The following TMEM132D variants were observed in gnomAD, a reference collection of about 807,000 sequenced individuals.
The protein encoded by TMEM132D is mature OL transmembrane protein.
In TMEM132D, 21 loss-of-function variants were observed where a neutral mutation model predicts 62.3. The ratio of observed to expected loss-of-function variants is 0.34; its 90% CI spans 0.24 to 0.49. The LOEUF is 0.49. TMEM132D is among the 20% of genes least tolerant of loss of function. The probability of loss-of-function intolerance (pLI) is 0.99; values close to 1 mark genes in which losing one functional copy is unlikely to be tolerated. For synonymous variants in TMEM132D, 621 were observed against 575.6 expected (o/e 1.08, Z -1.13); for missense variants, 1,346 against 1,402.8 (o/e 0.96, Z 0.65).
chr12:129,480,773 T>C (rs1268551798), intron 3 of TMEM132D, among the ~76,000 whole-genome samples: 1 of 152,148 alleles, frequency 6.6e-6, no homozygotes, highest in Non-Finnish European at 1.5e-5. Context: ...TGCGTTGCTG[T>C]TGTAACTGGA....
chr12:129,868,153 A>G (rs970662914), intron 1 of TMEM132D, among the ~76,000 whole-genome samples: 1 of 152,080 alleles, frequency 6.6e-6, no homozygotes, highest in Non-Finnish European at 1.5e-5. Context: ...TGGTACATAC[A>G]TGAGGCAGTG....
intron 5 of TMEM132D, among the ~76,000 whole-genome samples, chr12:129,132,614 G>A (rs907112633): frequency 2.0e-5 from 3 of 152,076 alleles, no homozygotes; most frequent in Non-Finnish European, 4.4e-5. Context: ...ACTCACCCTG[G>A]CAACTGGCCT....
intron 5 of TMEM132D, among the ~76,000 whole-genome samples, chr12:129,201,542 C>T (rs1565995629): frequency 6.6e-6 from 1 of 152,208 alleles, no homozygotes; most frequent in Non-Finnish European, 1.5e-5. Context: ...ATGTTTGGAT[C>T]CCTGGGCTGC....
intron 4 of TMEM132D, among the ~76,000 whole-genome samples, chr12:129,258,875 C>CGAT (rs1366000313): frequency 1.3e-5 from 2 of 151,988 alleles, no homozygotes; most frequent in East Asian, 3.9e-4. Flanking sequence ...AAAAGGTGGG[C>CGAT]GATGTGTGCC....
intron 5 of TMEM132D, among the ~76,000 whole-genome samples, chr12:129,143,475 A>G (rs930122805): frequency 9.9e-5 from 15 of 152,270 alleles, no homozygotes; most frequent in Admixed American, 7.8e-4. Flanking sequence ...CTCCCAGCAT[A>G]TGCGGCAGGA....
intron 4 of TMEM132D, among the ~76,000 whole-genome samples, chr12:129,215,949 A>G (rs1358742833): frequency 6.6e-6 from 1 of 152,156 alleles, no homozygotes; most frequent in African/African-American, 2.4e-5. Flanking sequence ...TGTGGGGGAA[A>G]CCGCCCGAAT....
chr12:129,596,832 G>A (rs1409922649), intron 2 of TMEM132D, among the ~76,000 whole-genome samples: 2 of 151,192 alleles, frequency 1.3e-5, no homozygotes, highest in East Asian at 2.0e-4. Flanking sequence ...CGCCAATAAA[G>A]CCCTTCTAAA....
intron 2 of TMEM132D, among the ~76,000 whole-genome samples, chr12:129,658,442 T>C (rs1237698765): frequency 6.6e-6 from 1 of 152,222 alleles, no homozygotes; most frequent in Non-Finnish European, 1.5e-5. Context: ...TGCATCTTTG[T>C]GTGCTATAAA....
intron 5 of TMEM132D, among the ~76,000 whole-genome samples, chr12:129,119,383 C>A (rs1241816472): frequency 6.6e-6 from 1 of 152,132 alleles, no homozygotes; most frequent in African/African-American, 2.4e-5. Flanking sequence ...TGGGTGTCCA[C>A]CAGTGAATAA....
intron 2 of TMEM132D, among the ~76,000 whole-genome samples, chr12:129,565,151 G>A (rs1451579581): frequency 6.6e-6 from 1 of 152,196 alleles, no homozygotes; most frequent in Admixed American, 6.5e-5. Context: ...TGGGGTGGCA[G>A]CAAGGAGCAA....
chr12:129,564,025 CATTGAAAATATTTCAGGTATAACTA>C (rs1318588772), intron 2 of TMEM132D, among the ~76,000 whole-genome samples: 1 of 152,138 alleles, frequency 6.6e-6, no homozygotes, highest in Non-Finnish European at 1.5e-5. Flanking sequence ...TACTTTTAAA[CATTGAAAATATTTCAGGTATAACTA>C]AGACGTTTCA....
At chr12:129,147,963 G>C (rs1364685870) in intron 5 of TMEM132D, among the ~76,000 whole-genome samples, 1 of 152,098 alleles carries the variant, frequency 6.6e-6, no homozygotes, top group Non-Finnish European at 1.5e-5. Context: ...TACTTTCTCC[G>C]TGTTGGCCAT....
chr12:129,598,220 T>A (rs781477969), intron 2 of TMEM132D, among the ~76,000 whole-genome samples: 5 of 152,248 alleles, frequency 3.3e-5, no homozygotes, highest in Non-Finnish European at 5.9e-5. Flanking sequence ...AAAGGCATCC[T>A]ATAAAATGCT....
At chr12:129,561,537 C>T (rs770173166) in intron 2 of TMEM132D, among the ~76,000 whole-genome samples, 80 of 152,178 alleles carry the variant, frequency 5.3e-4, no homozygotes, top group Admixed American at 4.6e-4. Context: ...CGAGATAGTG[C>T]TGGAGTTAGA....
intron 2 of TMEM132D, 79 bp from the exon 3 acceptor site, chr12:129,531,284 C>A (rs1876218079): frequency 3.4e-6 from 5 of 1,473,802 alleles, no homozygotes; most frequent in Non-Finnish European, 4.5e-6. Flanking sequence ...ACACGGGGAG[C>A]TTAATTGCTC....
At chr12:129,523,246 T>C (rs1875910053) in intron 3 of TMEM132D, among the ~76,000 whole-genome samples, 1 of 152,196 alleles carries the variant, frequency 6.6e-6, no homozygotes, top group Non-Finnish European at 1.5e-5. Context: ...ACTGCAGGTG[T>C]TTTTGGTAGT....
chr12:129,321,972 T>G (rs1301664282), intron 4 of TMEM132D, among the ~76,000 whole-genome samples: 1 of 152,178 alleles, frequency 6.6e-6, no homozygotes, highest in Non-Finnish European at 1.5e-5. Context: ...ATATTCTTAC[T>G]AGTATAGTTC....
chr12:129,600,672 G>A (rs1878461081), intron 2 of TMEM132D, among the ~76,000 whole-genome samples: 1 of 152,198 alleles, frequency 6.6e-6, no homozygotes, highest in Admixed American at 6.5e-5. Flanking sequence ...CTTCTTGTGT[G>A]TCTCCATCAG....
chr12:129,397,550 T>G (rs1871467148), intron 3 of TMEM132D, among the ~76,000 whole-genome samples: 1 of 152,130 alleles, frequency 6.6e-6, no homozygotes. Flanking sequence ...TAAGCCCATC[T>G]TTGGATGGAA....
Sources: gnomAD v4.1 joint callset for allele counts (sites outside exome capture counted in the v4.1 genomes callset) on GRCh38, gnomAD v4.1.1 for gene constraint, MANE v1.5 for transcripts, NCBI Gene and HGNC (gene_info 2026-07-23, HGNC 2026-07-21) for gene names.